ATP9B: variants seen among roughly 807,000 people sequenced by gnomAD.
The protein encoded by ATP9B is probable phospholipid-transporting ATPase IIB.
Under a neutral mutation model 146.1 loss-of-function variants are expected in ATP9B, and 110 were observed. The ratio of observed to expected loss-of-function variants is 0.75; its 90% CI spans 0.65 to 0.88. The LOEUF (loss-of-function observed/expected upper bound fraction) is 0.88, where lower values mean the gene tolerates loss of function less well. ATP9B is among the 40% of genes least tolerant of loss of function. The pLI is 0.00. For synonymous variants in ATP9B, 604 were observed against 569.7 expected (o/e 1.06, Z -0.86); for missense variants, 1,499 against 1,496.4 (o/e 1.00, Z -0.03).
chr18:79,356,282 A>G, intron 25 of ATP9B, among the ~76,000 whole-genome samples: 1 of 152,140 alleles, frequency 6.6e-6, no homozygotes, highest in East Asian at 1.9e-4. Context: ...TACCATCTGG[A>G]AGATGTCCTA....
At chr18:79,109,580 T>C (rs1224749685) in intron 2 of ATP9B, among the ~76,000 whole-genome samples, 1 of 151,724 alleles carries the variant, frequency 6.6e-6, no homozygotes, top group African/African-American at 2.4e-5. Flanking sequence ...TTTTTTTTTT[T>C]TTTAAGATGG....
At position 79,150,005 on chromosome 18, in the gene ATP9B, C is replaced by T. The variant is rs528619310; in HGVS notation, c.727-4499C>T. 5.3e-5 allele frequency among the ~76,000 whole-genome samples: 8 copies of T among 152,084 alleles called. No individual in the cohort carries two copies. In the South Asian group the frequency reaches 8.3e-4, roughly 16 times the overall value. ...CTGAGGCAGGAGAATCGCTAGAACCCGGGAGGCAGAGGTTGCAGTGAGCCA... is the reference window on the plus strand; with the variant it reads ...CTGAGGCAGGAGAATCGCTAGAACCTGGGAGGCAGAGGTTGCAGTGAGCCA... On this transcript the variant is annotated intron_variant, in intron 6 of 29. Coordinates refer to ENST00000426216, the MANE Select transcript of ATP9B (RefSeq NM_198531.5).
At chr18:79,172,567 TA>T (rs2095092953) in intron 7 of ATP9B, among the ~76,000 whole-genome samples, 3 of 73,576 alleles carry the variant, frequency 4.1e-5, no homozygotes, top group Admixed American at 1.2e-4. Flanking sequence ...ATTACAGGCG[TA>T]GCCACCGTGC....
At chr18:79,339,691 G>C (rs1429941625) in intron 19 of ATP9B, among the ~76,000 whole-genome samples, 1 of 151,466 alleles carries the variant, frequency 6.6e-6, no homozygotes, top group Non-Finnish European at 1.5e-5. Context: ...GATCGCAGTA[G>C]GAAGTGTATC....
At chr18:79,283,837 A>T (rs2096405236) in intron 13 of ATP9B, among the ~76,000 whole-genome samples, 1 of 152,228 alleles carries the variant, frequency 6.6e-6, no homozygotes, top group Non-Finnish European at 1.5e-5. Flanking sequence ...TAATCTTCTC[A>T]CTGGTTGCAT....
At chr18:79,305,609 A>G (rs1027305475) in intron 14 of ATP9B, among the ~76,000 whole-genome samples, 3 of 152,230 alleles carry the variant, frequency 2.0e-5, no homozygotes, top group Non-Finnish European at 4.4e-5. Flanking sequence ...TAAAAAAAAA[A>G]AATTATCTAT....
chr18:79,194,548 G>C (rs114519578), intron 9 of ATP9B: 7 of 152,202 alleles, frequency 4.6e-5, no homozygotes, highest in Non-Finnish European at 8.8e-5. Flanking sequence ...CTTGACCGGA[G>C]GAAGCCATTG....
chr18:79,342,927 C>T (rs952802721), intron 20 of ATP9B, among the ~76,000 whole-genome samples: 3 of 152,132 alleles, frequency 2.0e-5, no homozygotes, highest in Non-Finnish European at 4.4e-5. Context: ...CAAGTGCTGC[C>T]TTAACTAGTT....
chr18:79,323,735 G>A (rs1249559496), intron 15 of ATP9B, among the ~76,000 whole-genome samples: 3 of 152,106 alleles, frequency 2.0e-5, no homozygotes, highest in African/African-American at 4.8e-5. Flanking sequence ...ATTCCATAAC[G>A]TGGCCACTGT....
chr18:79,289,998 T>A (rs754034619), intron 13 of ATP9B, among the ~76,000 whole-genome samples: 1 of 152,052 alleles, frequency 6.6e-6, no homozygotes, highest in Non-Finnish European at 1.5e-5. Context: ...AGTACCCGGC[T>A]GTGTGAGGTG....
chr18:79,142,812 C>G (rs1362677288), intron 5 of ATP9B, among the ~76,000 whole-genome samples: 1 of 152,142 alleles, frequency 6.6e-6, no homozygotes, highest in Non-Finnish European at 1.5e-5. Context: ...CAGTGTGATA[C>G]TACTGAAATA....
intron 11 of ATP9B, among the ~76,000 whole-genome samples, chr18:79,217,041 G>A (rs1193829680): frequency 2.6e-5 from 4 of 152,348 alleles, no homozygotes; most frequent in East Asian, 1.9e-4. Flanking sequence ...GATGGCTCCC[G>A]GGGAGAAGAG....
intron 26 of ATP9B, chr18:79,363,612 G>A (rs937754448): frequency 1.3e-5 from 2 of 152,216 alleles, no homozygotes; most frequent in South Asian, 2.1e-4. Context: ...TTTGAGAGAC[G>A]TAAACTGATG....
intron 8 of ATP9B, among the ~76,000 whole-genome samples, chr18:79,190,758 C>G (rs901987496): frequency 1.3e-5 from 2 of 152,092 alleles, no homozygotes; most frequent in Non-Finnish European, 2.9e-5. Flanking sequence ...GAGGGCCAGG[C>G]TGCTCTCAAA....
At chr18:79,367,584 A>G (rs1366699940) in intron 26 of ATP9B, among the ~76,000 whole-genome samples, 1 of 152,272 alleles carries the variant, frequency 6.6e-6, no homozygotes, top group Middle Eastern at 3.2e-3. Flanking sequence ...CTCCTCAACC[A>G]GAGGATTCCA....
At chr18:79,193,299 A>G in intron 9 of ATP9B, 36 bp downstream of exon 9, 1 of 1,494,616 alleles carries the variant, frequency 6.7e-7, no homozygotes. Context: ...AAATAGAGTT[A>G]TTGTGTAAGT....
rs2097110294 is a variant in ATP9B at position 79,377,867 on chromosome 18, A to G, written c.*484A>G. ...GCAAGCCCAGGGCACAGATGCTGCG[A>G]TGGCCTCTTCCTCTTAAGTGTGGGG... On this transcript the variant is annotated 3_prime_UTR_variant, in exon 30 of 30. Transcript: ENST00000426216. 1 of 160,036 alleles carries G rather than the reference A, an allele frequency of 6.2e-6. No homozygotes were observed. The highest frequency in any genetic ancestry group is 1.4e-5 in the Non-Finnish European group (1 of 72,510). The allele number at this position is 160,036 out of a possible 1,614,324, so 9.9% of individuals were successfully genotyped here. A position where few individuals can be genotyped will look rare whatever the true frequency, so the allele number is the denominator to read the frequency against.
chr18:79,344,852 C>A (rs2096877602), intron 21 of ATP9B, among the ~76,000 whole-genome samples: 1 of 152,224 alleles, frequency 6.6e-6, no homozygotes, highest in Non-Finnish European at 1.5e-5. Flanking sequence ...CTCCATGTTG[C>A]ATCCGCTGGA....
chr18:79,295,107 CACAG>C (rs942635363), intron 13 of ATP9B, among the ~76,000 whole-genome samples: 5 of 20,124 alleles, frequency 2.5e-4, no homozygotes, highest in Non-Finnish European at 4.1e-4. Context: ...CATACACAGA[CACAG>C]ACACACACAC....
Sources: gnomAD v4.1 joint callset for allele counts (sites outside exome capture counted in the v4.1 genomes callset) on GRCh38, gnomAD v4.1.1 for gene constraint, MANE v1.5 for transcripts, NCBI Gene and HGNC (gene_info 2026-07-23, HGNC 2026-07-21) for gene names.